Variants in IQCE observed in about 807,000 individuals in gnomAD.
IQCE encodes the protein IQ motif containing E, also known as IQ domain-containing protein E.
Under a neutral mutation model 96.0 loss-of-function variants are expected in IQCE, and 115 were observed. The ratio of observed to expected loss-of-function variants is 1.20; its 90% confidence interval spans 1.03 to 1.40. The LOEUF (loss-of-function observed/expected upper bound fraction) is 1.40. Among genes scored for constraint, IQCE ranks in the 40% most tolerant of loss-of-function variants. IQCE has a pLI of 0.00. For missense variants in IQCE, 1,041 were observed against 909.1 expected (o/e 1.15, Z -1.87); for synonymous variants, 412 against 371.2 (o/e 1.11, Z -1.26).
rs1784211727 is a variant in IQCE, at chr7:2,598,466, C to A, written c.1442C>A (p.Ala481Asp). The A allele has an allele frequency of 2.5e-6, 4 of 1,571,826 alleles. No homozygotes were observed. Among genetic ancestry groups the A allele is most frequent in the Non-Finnish European group, 3.4e-6 (4 of 1,159,484 alleles). ...TCTTACTCCTTCAATTTCCTGCAGG[C>A]CCAAGAGCTCCCAGCTCCCACTCCC... Reference protein sequence around the residue: ...KEDCPEVPHKAQELPAPTPSS... With the variant: ...KEDCPEVPHKDQELPAPTPSS... Residue 481 changes from alanine (A) to aspartate (D), a missense_variant and splice_region_variant, in exon 17 of 22, where the codon GCC becomes GAC. By Grantham distance (126) the Ala-to-Asp change is moderately radical. Coordinates refer to ENST00000402050, the MANE Select transcript of IQCE (RefSeq NM_152558.5).
intron 11 of IQCE, chr7:2,584,535 C>T (rs913653845): frequency 1.0e-5 from 5 of 494,154 alleles, no homozygotes; most frequent in African/African-American, 9.7e-5. Flanking sequence ...GTTATAGATT[C>T]TACATCCTGC....
intron 16 of IQCE, 141 bp downstream of exon 16, chr7:2,595,117 A>G (rs566602436): frequency 4.5e-6 from 3 of 663,846 alleles, no homozygotes; most frequent in African/African-American, 3.6e-5. Flanking sequence ...ATTGATTTCT[A>G]TAACTCATGT....
chr7:2,571,338 T>C (rs1781740155), intron 3 of IQCE, 188 bp from the exon 4 acceptor site: 3 of 665,066 alleles, frequency 4.5e-6, no homozygotes, highest in Non-Finnish European at 7.6e-6. Flanking sequence ...TATTTCTTTA[T>C]AATAAAAGTT....
At chr7:2,584,973 G>A (rs1782982228) in intron 11 of IQCE, among the ~76,000 whole-genome samples, 1 of 152,076 alleles carries the variant, frequency 6.6e-6, no homozygotes, top group Non-Finnish European at 1.5e-5. Context: ...AAGTCTCCAT[G>A]AACATAGAAC....
chr7:2,579,479 A>G (rs76391955), intron 8 of IQCE, among the ~76,000 whole-genome samples: 3,803 of 152,320 alleles, frequency 0.025, 165 homozygotes, highest in African/African-American at 0.086. Context: ...CTGTTTAGAA[A>G]ATACAAAAAA....
At chr7:2,609,457 C>T (rs1785015753) in intron 21 of IQCE, among the ~76,000 whole-genome samples, 1 of 152,128 alleles carries the variant, frequency 6.6e-6, no homozygotes, top group African/African-American at 2.4e-5. Flanking sequence ...AACGCTCCTA[C>T]ACACGGGTAG....
At chr7:2,563,557 C>G (rs958953686) in intron 1 of IQCE, among the ~76,000 whole-genome samples, 5 of 151,998 alleles carry the variant, frequency 3.3e-5, no homozygotes, top group South Asian at 4.1e-4. Context: ...TTGATGTGAT[C>G]TTTTTAAAAT....
chr7:2,581,776 C>T (rs1782684917), intron 8 of IQCE, among the ~76,000 whole-genome samples: 1 of 148,870 alleles, frequency 6.7e-6, no homozygotes, highest in African/African-American at 2.5e-5. Flanking sequence ...GTGGCGCAAT[C>T]TCGGCTCACT....
At position 2,612,057 on chromosome 7, in the gene IQCE, C is replaced by G. The variant is rs1168097934; in HGVS notation, c.*1895C>G. On this transcript the variant is annotated 3_prime_UTR_variant, in exon 22 of 22. Coordinates refer to ENST00000402050, the MANE Select transcript of IQCE (RefSeq NM_152558.5). ...ACCTGCACATTCGCTGGGGGAGACC[C>G]TCCGTTCTCTTGTGGCAGCTGCTCC... The G allele has an allele frequency of 6.6e-6, 1 of 152,188 alleles. No individual in the cohort carries two copies. The highest frequency in any genetic ancestry group is 1.5e-5 in the Non-Finnish European group (1 of 68,058). 9.4% of individuals were successfully genotyped at this position (152,188 alleles called of 1,614,324 possible). A position where few individuals can be genotyped will look rare whatever the true frequency, so the allele number is the denominator to read the frequency against.
rs781725958 is a variant in IQCE at position 2,578,254 on chromosome 7, C to G, written c.478C>G (p.Gln160Glu). 9.3e-6 allele frequency: 15 copies of G among 1,613,004 alleles called. No homozygotes were observed. The East Asian group carries it at 3.1e-4, about 34-fold the overall frequency. The change falls in exon 7 of 22, where the codon CAG (glutamine) becomes GAG (glutamate). Residue 160 changes from glutamine to glutamate, a missense_variant. By Grantham distance (29) the Gln-to-Glu change is conservative. Transcript: ENST00000402050. ...IIELKKSLHV[Q>E]KSDVDLMRTK... ...TTGTTTTCTTCAGTCATTGCACGTG[C>G]AGAAGAGCGACGTGGACCTGATGAG... is the stretch of plus-strand genomic sequence containing the variant.
At chr7:2,607,581 A>G (rs1371774351) in intron 21 of IQCE, 38 of 1,223,130 alleles carry the variant, frequency 3.1e-5, no homozygotes, top group Non-Finnish European at 3.7e-5. Flanking sequence ...TTAAAGTCCA[A>G]AAACAGTCAG....
At position 2,605,941 on chromosome 7, in the gene IQCE, G is replaced by A. The variant is rs1014794480; in HGVS notation, c.1809G>A (p.Glu603=). ...AQATGSPVQE[E]AIVIIQSALR... Reference sequence around the variant, plus strand: ...CCACGGGCAGCCCTGTGCAGGAGGAGGCCATCGTCATCATCCAGTCCGCTC... The same window carrying A: ...CCACGGGCAGCCCTGTGCAGGAGGAAGCCATCGTCATCATCCAGTCCGCTC... Residue 603 remains glutamate, a synonymous_variant, in exon 20 of 22, where the codon GAG becomes GAA. Coordinates refer to ENST00000402050, the MANE Select transcript of IQCE (RefSeq NM_152558.5). 1.8e-5 allele frequency: 29 copies of A among 1,611,452 alleles called. No individual in the cohort carries two copies. Among genetic ancestry groups the A allele is most frequent in the Non-Finnish European group, 2.4e-5 (28 of 1,179,370 alleles).
At chr7:2,594,115 C>A (rs985989523) in intron 15 of IQCE, among the ~76,000 whole-genome samples, 5 of 152,050 alleles carry the variant, frequency 3.3e-5, no homozygotes, top group African/African-American at 1.2e-4. Context: ...CAAAAATTAG[C>A]CGGGCACAGT....
At chr7:2,585,560 G>A (rs1302425367) in intron 11 of IQCE, among the ~76,000 whole-genome samples, 1 of 152,246 alleles carries the variant, frequency 6.6e-6, no homozygotes, top group Non-Finnish European at 1.5e-5. Flanking sequence ...TCCAGCCCAC[G>A]CAAGGCAGCG....
chr7:2,562,302 A>ATATATATATAT (rs1554301261), intron 1 of IQCE, among the ~76,000 whole-genome samples: 4 of 151,616 alleles, frequency 2.6e-5, no homozygotes, highest in Non-Finnish European at 4.4e-5. Context: ...ATATATATAT[A>ATATATATATAT]AAATCCTTTT....
intron 2 of IQCE, among the ~76,000 whole-genome samples, chr7:2,567,495 C>G (rs1244332702): frequency 1.3e-5 from 2 of 152,168 alleles, no homozygotes; most frequent in African/African-American, 2.4e-5. Context: ...CTAATGCCGT[C>G]GGAAGGACCC....
At chr7:2,584,310 GT>G in intron 11 of IQCE, 25 bp downstream of exon 11, 1 of 1,610,872 alleles carries the variant, frequency 6.2e-7, no homozygotes, top group Non-Finnish European at 8.5e-7. Context: ...TGCAAGCTGT[GT>G]TTTGTGTGTT....
rs758461226 is a variant in IQCE, at chr7:2,584,226, G to A, written c.775-10G>A. On this transcript the variant is annotated splice_polypyrimidine_tract_variant and intron_variant, in intron 10 of 21. Coordinates refer to ENST00000402050, the MANE Select transcript of IQCE (RefSeq NM_152558.5). ...TTGTGTTTTCATGCATTTCAATTTG[G>A]TATTTACAGGTGCATCGTCTCCAGA... is the stretch of plus-strand genomic sequence containing the variant. 3.7e-6 allele frequency: 6 copies of A among 1,612,786 alleles called. No individual in the cohort carries two copies. The East Asian group carries it at 8.9e-5, about 24-fold the overall frequency.
In IQCE at chr7:2,567,271, A is replaced by G. The variant is rs1220055199; in HGVS notation, c.84+108A>G. On this transcript the variant is annotated intron_variant, in intron 2 of 21. Coordinates refer to ENST00000402050, the MANE Select transcript of IQCE (RefSeq NM_152558.5). ...CCGTTCTCCACAATACTGTGTCGAG[A>G]GCTGGAATGCATATTCCGAATGCTC... 3 of 850,640 alleles carry G rather than the reference A, an allele frequency of 3.5e-6. No homozygotes were observed. The East Asian group carries it at 7.7e-5, about 22-fold the overall frequency. The allele number at this position is 850,640 out of a possible 1,614,324, so 52.7% of individuals were successfully genotyped here.
Sources: allele counts gnomAD v4.1 joint callset (sites outside exome capture counted in the v4.1 genomes callset), GRCh38; gene constraint gnomAD v4.1.1; transcripts MANE v1.5; gene names NCBI Gene and HGNC (gene_info 2026-07-23, HGNC 2026-07-21).